The following DDAH1 variants were observed in gnomAD, a reference collection of about 807,000 sequenced individuals.
DDAH1 encodes N(G),N(G)-dimethylarginine dimethylaminohydrolase 1.
In DDAH1, 19 loss-of-function variants were observed where a neutral mutation model predicts 28.8. The ratio of observed to expected loss-of-function variants is 0.66; its 90% CI spans 0.46 to 0.97. DDAH1 has a LOEUF of 0.97. DDAH1 is among the 50% of genes least tolerant of loss of function. DDAH1 has a pLI of 0.00. For missense variants in DDAH1, 326 were observed against 375.9 expected, an observed-to-expected ratio of 0.87 and a Z score of 1.10; for synonymous variants, 153 against 154.4, an observed-to-expected ratio of 0.99 and a Z score of 0.07.
At chr1:85,321,640 T>A (rs1498375) in intron 5 of DDAH1, 72 bp from the exon 6 acceptor site, 413,937 of 1,185,496 alleles carry the variant, frequency 0.35, 75,576 homozygotes, top group South Asian at 0.41. Context: ...GGAGAATCAA[T>A]TTGATTTGTA....
rs531177693 is a variant in DDAH1 at position 85,547,364 on chromosome 1, T to C, written c.-123+30620A>G. On this transcript the variant is annotated intron_variant, in intron 1 of 6. Transcript: ENST00000426972. ...CATTTTACAGATATGAAAACTAAGA[T>C]CTAGAGAAGTTGAGACTATCCCAGG... Among the ~76,000 whole-genome samples the C allele has an allele frequency of 7.2e-5, 11 of 152,272 alleles. No individual in the cohort carries two copies. In the South Asian group the frequency reaches 2.3e-3, roughly 32 times the overall value.
intron 1 of DDAH1, among the ~76,000 whole-genome samples, chr1:85,380,026 T>C (rs1260169068): frequency 3.3e-5 from 5 of 152,228 alleles, no homozygotes; most frequent in Admixed American, 2.6e-4. Context: ...GAGAGCTCAT[T>C]GGTTTAAAAA....
chr1:85,422,114 G>C (rs1467371968), intron 1 of DDAH1, among the ~76,000 whole-genome samples: 1 of 152,164 alleles, frequency 6.6e-6, no homozygotes, highest in Non-Finnish European at 1.5e-5. Context: ...ATTTGAATAG[G>C]TGGGTAGTGA....
chr1:85,560,889 A>G (rs970284513), intron 1 of DDAH1, among the ~76,000 whole-genome samples: 3 of 152,018 alleles, frequency 2.0e-5, no homozygotes, highest in African/African-American at 7.2e-5. Flanking sequence ...TTGATTCTAC[A>G]TTTTTTGATG....
intron 2 of DDAH1, chr1:85,495,165 T>C (rs1177300723): frequency 6.6e-6 from 1 of 152,030 alleles, no homozygotes; most frequent in Non-Finnish European, 1.5e-5. Flanking sequence ...GTCCAATTTT[T>C]TTTTTTTTTT....
At chr1:85,369,240 T>G (rs1420987471) in intron 1 of DDAH1, among the ~76,000 whole-genome samples, 5 of 141,072 alleles carry the variant, frequency 3.5e-5, no homozygotes, top group East Asian at 4.1e-4. Context: ...TTTTTTTTTT[T>G]GTAGAGATGG....
chr1:85,320,695 C>T lies in DDAH1; in HGVS notation c.*757G>A, dbSNP rs1258189472. 2 of 152,234 alleles carry T rather than the reference C, an allele frequency of 1.3e-5. No homozygotes were observed. The highest frequency in any genetic ancestry group is 4.8e-5 in the African/African-American group (2 of 41,444). 9.4% of individuals were successfully genotyped at this position (152,234 alleles called of 1,614,324 possible). A position where few individuals can be genotyped will look rare whatever the true frequency, so the allele number is the denominator to read the frequency against. ...GATTTACCTTCCTAGGTGTGGTGCCCTCCTTCTGGAATTTAGATCTCTGGG... is the reference window on the plus strand; with the variant it reads ...GATTTACCTTCCTAGGTGTGGTGCCTTCCTTCTGGAATTTAGATCTCTGGG... On this transcript the variant is annotated 3_prime_UTR_variant, in exon 6 of 6. Coordinates refer to ENST00000284031, the MANE Select transcript of DDAH1 (RefSeq NM_012137.4).
intron 2 of DDAH1, among the ~76,000 whole-genome samples, chr1:85,477,376 C>T (rs1177412017): frequency 2.0e-5 from 3 of 152,176 alleles, no homozygotes; most frequent in Non-Finnish European, 4.4e-5. Context: ...GCCCTCAGGC[C>T]TTTTCTACAG....
At chr1:85,327,644 T>C (rs1647492438) in intron 4 of DDAH1, among the ~76,000 whole-genome samples, 1 of 152,146 alleles carries the variant, frequency 6.6e-6, no homozygotes, top group African/African-American at 2.4e-5. Context: ...GTCTGAAGCC[T>C]TGCTCAGCCA....
intron 1 of DDAH1, among the ~76,000 whole-genome samples, chr1:85,390,221 T>C (rs1651480067): frequency 6.6e-6 from 1 of 152,184 alleles, no homozygotes; most frequent in Non-Finnish European, 1.5e-5. Flanking sequence ...ATAGGGATCA[T>C]ATATCAGCTT....
chr1:85,503,130 C>A (rs1259381348), intron 1 of DDAH1, among the ~76,000 whole-genome samples: 1 of 151,954 alleles, frequency 6.6e-6, no homozygotes, highest in Admixed American at 6.6e-5. Flanking sequence ...TAAAAACAAA[C>A]ATTTTGTTTG....
At chr1:85,377,295 T>C (rs1249357492) in intron 1 of DDAH1, among the ~76,000 whole-genome samples, 1 of 152,146 alleles carries the variant, frequency 6.6e-6, no homozygotes, top group Non-Finnish European at 1.5e-5. Flanking sequence ...TTTCTACTTT[T>C]AAAGTTTTAG....
intron 1 of DDAH1, among the ~76,000 whole-genome samples, chr1:85,453,130 T>A (rs1654738683): frequency 6.6e-6 from 1 of 152,188 alleles, no homozygotes; most frequent in Non-Finnish European, 1.5e-5. Context: ...TCAGCTGTAT[T>A]GAGGCCAACA....
At chr1:85,440,292 T>A (rs1484667534) in intron 1 of DDAH1, among the ~76,000 whole-genome samples, 4 of 152,216 alleles carry the variant, frequency 2.6e-5, no homozygotes, top group Admixed American at 1.3e-4. Context: ...AAGTCTGATT[T>A]TTTTAGCGGG....
At chr1:85,564,743 GCCTGTAATC>G (rs1366804056) in intron 1 of DDAH1, among the ~76,000 whole-genome samples, 1 of 151,570 alleles carries the variant, frequency 6.6e-6, no homozygotes, top group Non-Finnish European at 1.5e-5. Flanking sequence ...GGTGGCGGGT[GCCTGTAATC>G]CCAGCTACTC....
At chr1:85,485,340 T>C (rs1017782515) in intron 2 of DDAH1, among the ~76,000 whole-genome samples, 3 of 152,150 alleles carry the variant, frequency 2.0e-5, no homozygotes, top group Admixed American at 6.5e-5. Context: ...GAGGCAATTA[T>C]AGAAGCAAAC....
At chr1:85,392,720 G>C (rs569623557) in intron 1 of DDAH1, among the ~76,000 whole-genome samples, 1 of 151,222 alleles carries the variant, frequency 6.6e-6, no homozygotes, top group South Asian at 2.1e-4. Context: ...TTGAACCAGG[G>C]AGTCAGAGGT....
At chr1:85,458,712 T>G (rs541314155) in intron 1 of DDAH1, among the ~76,000 whole-genome samples, 2 of 152,316 alleles carry the variant, frequency 1.3e-5, no homozygotes, top group African/African-American at 4.8e-5. Context: ...GGGGAAGTGA[T>G]GGAAGCTAAC....
intron 1 of DDAH1, among the ~76,000 whole-genome samples, chr1:85,573,615 C>T (rs556892679): frequency 1.2e-3 from 177 of 152,286 alleles, no homozygotes; most frequent in African/African-American, 4.1e-3. Flanking sequence ...AGAGTTCCCA[C>T]GGGATATGGA....
Sources: gnomAD v4.1 joint callset for allele counts (sites outside exome capture counted in the v4.1 genomes callset) on GRCh38, gnomAD v4.1.1 for gene constraint, MANE v1.5 for transcripts, NCBI Gene and HGNC (gene_info 2026-07-23, HGNC 2026-07-21) for gene names.